The following ABHD4 variants were observed in gnomAD, a reference collection of about 807,000 sequenced individuals.
ABHD4 encodes the protein abhydrolase domain containing 4, N-acyl phospholipase B, also known as (Lyso)-N-acylphosphatidylethanolamine lipase.
ABHD4 carries 35 observed loss-of-function variants against 42.3 expected under a neutral mutation model. That is an observed-to-expected ratio of 0.83 (90% confidence interval 0.63 to 1.10). ABHD4 has a LOEUF of 1.10. Ranked by LOEUF, ABHD4 falls within the 50% of genes least tolerant of loss-of-function variation. The pLI is 0.00. For synonymous variants in ABHD4, 169 were observed against 170.6 expected, an observed-to-expected ratio of 0.99 and a Z score of 0.07; for missense variants, 389 against 454.8, an observed-to-expected ratio of 0.86 and a Z score of 1.32.
At position 22,603,771 on chromosome 14, in the gene ABHD4, GAGATGGCT is replaced by G; in HGVS notation, c.485+10_485+17del. 1.3e-6 allele frequency: 2 copies of G among 1,567,312 alleles called. No individual in the cohort carries two copies. The highest frequency in any genetic ancestry group is 1.7e-4 in the Middle Eastern group (1 of 5,818). On this transcript the variant is annotated intron_variant, in intron 3 of 6. Coordinates refer to ENST00000428304, the MANE Select transcript of ABHD4 (RefSeq NM_022060.3). ...ATCAAGTACCCTGATAGGTAATAAG[GAGATGGCT>G]CCATCCCTCGTGACCTAATTCCTGG... is the stretch of plus-strand genomic sequence containing the variant.
At position 22,609,836 on chromosome 14, in the gene ABHD4, T is replaced by G; in HGVS notation, c.865T>G (p.Ser289Ala). Residue 289 changes from serine (S) to alanine (A), a missense_variant, in exon 6 of 7, where the codon TCC becomes GCC. Transcript: ENST00000428304. ...TGTGCCTATCACTATGATCTACGGG[T>G]CCGACACCTGGATAGATACCAGTAC... ...KDVPITMIYG[S>A]DTWIDTSTGK... 4 of 1,614,086 alleles carry G rather than the reference T, an allele frequency of 2.5e-6. No homozygotes were observed. The highest frequency in any genetic ancestry group is 3.4e-6 in the Non-Finnish European group (4 of 1,180,012).
intron 5 of ABHD4, 160 bp from the exon 6 acceptor site, chr14:22,609,564 T>C: frequency 1.4e-6 from 1 of 702,796 alleles, no homozygotes; most frequent in East Asian, 2.8e-5. Context: ...GGGAGGCCTC[T>C]GGAATTTTGG....
rs185043144 is a variant in ABHD4 at position 22,610,401 on chromosome 14, C to G, written c.940-458C>G. On this transcript the variant is annotated intron_variant, in intron 6 of 6. Transcript: ENST00000428304. ...AAAAGGCTGGTTCTTGTCTAGCAGC[C>G]AGGCACCTGCTGCTACTCCAGCCCC... Among the ~76,000 whole-genome samples the G allele has an allele frequency of 4.1e-3, 628 of 152,288 alleles. 5 individuals are homozygous for G. Among genetic ancestry groups the G allele is most frequent in the African/African-American group, 0.015 (604 of 41,580 alleles).
chr14:22,601,559 A>G (rs2037285159), intron 1 of ABHD4, 108 bp from the exon 2 acceptor site: 2 of 1,034,360 alleles, frequency 1.9e-6, no homozygotes, highest in Admixed American at 1.8e-5. Context: ...TCTCAAGGCT[A>G]GGAAACACCC....
At position 22,604,019 on chromosome 14, in the gene ABHD4, G is replaced by A. The variant is rs762774838; in HGVS notation, c.580G>A (p.Val194Met). ...TGCACCCCCAGCCTGGGTCAAAGCC[G>A]TGGCATCTGTCCTAGGACGTTCCAA... ...IRAPPAWVKA[V>M]ASVLGRSNPL... Residue 194 changes from valine (V) to methionine (M), a missense_variant, in exon 4 of 7, where the codon GTG becomes ATG. Around this residue, in one of 3 missense-constraint regions of ABHD4, gnomAD observed 249 missense variants for 254.4 expected, o/e 0.98. Transcript: ENST00000428304. 28 of 1,614,066 alleles carry A rather than the reference G, an allele frequency of 1.7e-5. No homozygotes were observed. The highest frequency in any genetic ancestry group is 1.6e-4 in the Middle Eastern group (1 of 6,084).
intron 4 of ABHD4, among the ~76,000 whole-genome samples, chr14:22,604,411 C>T (rs539537135): frequency 2.8e-4 from 43 of 151,972 alleles, no homozygotes; most frequent in Admixed American, 7.2e-4. Flanking sequence ...CCACCATGCC[C>T]GGCTAATTTT....
intron 1 of ABHD4, chr14:22,598,884 A>G: frequency 1.2e-5 from 2 of 170,120 alleles, no homozygotes; most frequent in Non-Finnish European, 1.2e-5. Context: ...CTAGTTGATA[A>G]TGCTTTTAAT....
At chr14:22,600,659 A>G (rs912064084) in intron 1 of ABHD4, among the ~76,000 whole-genome samples, 1 of 152,174 alleles carries the variant, frequency 6.6e-6, no homozygotes, top group African/African-American at 2.4e-5. Flanking sequence ...AAAGAGAAAT[A>G]TCATATGGGG....
intron 5 of ABHD4, among the ~76,000 whole-genome samples, chr14:22,608,985 C>T (rs1420385045): frequency 7.1e-6 from 1 of 140,830 alleles, no homozygotes; most frequent in Non-Finnish European, 1.6e-5. Context: ...TAGGCATGAG[C>T]CTCCATGCCT....
intron 4 of ABHD4, chr14:22,606,000 T>C (rs544096155): frequency 2.2e-4 from 98 of 454,492 alleles, no homozygotes; most frequent in South Asian, 1.7e-3. Context: ...TGTCGGGAGG[T>C]GGTCTAGTTC....
intron 5 of ABHD4, 133 bp from the exon 6 acceptor site, chr14:22,609,591 C>A (rs996662800): frequency 2.0e-6 from 2 of 1,004,486 alleles, no homozygotes; most frequent in African/African-American, 3.3e-5. Context: ...CCTAATCTTA[C>A]CAATATTTAA....
intron 5 of ABHD4, among the ~76,000 whole-genome samples, chr14:22,608,539 G>C (rs2037373424): frequency 6.6e-6 from 1 of 152,190 alleles, no homozygotes; most frequent in Non-Finnish European, 1.5e-5. Flanking sequence ...AGTCTTCTCA[G>C]GAAGCCCTTT....
rs911119126 is a variant in ABHD4 at position 22,605,801 on chromosome 14, A to G, written c.641-621A>G. ...CTCATAAACAGAGAGAAGACCAGAGAGAAAGAGAGAGATCAGGGATCAGAA... is the reference window on the plus strand; with the variant it reads ...CTCATAAACAGAGAGAAGACCAGAGGGAAAGAGAGAGATCAGGGATCAGAA... On this transcript the variant is annotated intron_variant, in intron 4 of 6. Coordinates refer to ENST00000428304, the MANE Select transcript of ABHD4 (RefSeq NM_022060.3). 5 of 1,288,874 alleles carry G rather than the reference A, an allele frequency of 3.9e-6. No individual in the cohort carries two copies. In the Admixed American group the frequency reaches 6.9e-5, roughly 18 times the overall value. 79.8% of individuals were successfully genotyped at this position (1,288,874 alleles called of 1,614,324 possible).
intron 4 of ABHD4, chr14:22,605,766 C>T (rs763818918): frequency 3.9e-6 from 5 of 1,275,518 alleles, no homozygotes; most frequent in Middle Eastern, 2.1e-4. Context: ...TTCTTACCTC[C>T]CTCTTGCTTC....
Position 22,603,595 on chromosome 14 carries a change from G to C in ABHD4, c.318G>C (p.Gly106=). The change falls in exon 3 of 7, where the codon GGG becomes GGC. Residue 106 remains glycine (G), a synonymous_variant. Transcript: ENST00000428304. ...ACACCTTCGATCTGCTTGGCTTCGG[G>C]CGAAGCTCAAGGCCAGCATTCCCAA... ...TLHTFDLLGF[G]RSSRPAFPRD... is the part of the protein sequence containing the mutation. The C allele has an allele frequency of 1.2e-6, 2 of 1,614,164 alleles. No homozygotes were observed. Among genetic ancestry groups the C allele is most frequent in the Non-Finnish European group, 1.7e-6 (2 of 1,180,036 alleles).
At chr14:22,603,882 A>G in intron 3 of ABHD4, 43 bp from the exon 4 acceptor site, 1 of 1,606,882 alleles carries the variant, frequency 6.2e-7, no homozygotes, top group Non-Finnish European at 8.5e-7. Flanking sequence ...GGCAACTACC[A>G]GAGAATATAA....
At chr14:22,602,674 C>G (rs2037299410) in intron 2 of ABHD4, among the ~76,000 whole-genome samples, 1 of 152,204 alleles carries the variant, frequency 6.6e-6, no homozygotes, top group South Asian at 2.1e-4. Context: ...TCACTACCAC[C>G]TGGGGCTAAA....
chr14:22,601,013 T>C (rs1313888556), intron 1 of ABHD4, among the ~76,000 whole-genome samples: 1 of 152,152 alleles, frequency 6.6e-6, no homozygotes, highest in Non-Finnish European at 1.5e-5. Flanking sequence ...TTCTACTCAT[T>C]TTACAATCTA....
chr14:22,605,316 C>A lies in ABHD4; in HGVS notation c.641-1106C>A, dbSNP rs148468095. Among the ~76,000 whole-genome samples the A allele has an allele frequency of 3.5e-3, 526 of 152,196 alleles. 6 individuals are homozygous for A. The highest frequency in any genetic ancestry group is 0.012 in the African/African-American group (499 of 41,504). ...TTTCCAATGGAAAAGATTGGTGATG[C>A]CTGTCTTGTACTGATGATTGTGCTT... On this transcript the variant is annotated intron_variant, in intron 4 of 6. Transcript: ENST00000428304.
Sources: gnomAD v4.1 joint callset for allele counts (sites outside exome capture counted in the v4.1 genomes callset) on GRCh38, gnomAD v4.1.1 for gene constraint, gnomAD v4.1.1 regional missense constraint, MANE v1.5 for transcripts, NCBI Gene and HGNC (gene_info 2026-07-23, HGNC 2026-07-21) for gene names.